CALD1: variants seen among roughly 807,000 people sequenced by gnomAD.
CALD1 encodes the protein caldesmon.
In CALD1, 33 loss-of-function variants were observed where a neutral mutation model predicts 99.9. The ratio of observed to expected loss-of-function variants is 0.33; its 90% CI spans 0.25 to 0.44. The LOEUF is 0.44. Among genes scored for constraint, CALD1 ranks in the 20% least tolerant of loss-of-function variants. The pLI is 1.00. For missense variants in CALD1, 861 were observed against 962.1 expected (o/e 0.89, Z 1.39); for synonymous variants, 310 against 325.0 (o/e 0.95, Z 0.50).
At chr7:134,958,578 G>GT (rs1807962809) in intron 11 of CALD1, among the ~76,000 whole-genome samples, 1 of 151,694 alleles carries the variant, frequency 6.6e-6, no homozygotes, top group African/African-American at 2.4e-5. Flanking sequence ...GCTAATTTTT[G>GT]TATTTTTAGT....
intron 1 of CALD1, among the ~76,000 whole-genome samples, chr7:134,773,780 T>TTG (rs1491345944): frequency 9.6e-5 from 13 of 134,766 alleles, no homozygotes; most frequent in Non-Finnish European, 1.6e-4. Flanking sequence ...CCAACCTCTC[T>TTG]TCTGTGTGTG....
chr7:134,934,000 C>T lies in CALD1; in HGVS notation c.1231C>T (p.Gln411Ter). Residue 411 changes from glutamine (Q) to a stop codon, truncating the protein, a stop_gained, in exon 5 of 15, where the codon CAG becomes TAG. Transcript: ENST00000361675. LOFTEE classifies it high-confidence loss of function. ...ETKIKGEKVE[Q>*]KIEGKWVNEK... ...AAAGATAAAAGGGGAAAAGGTAGAA[C>T]AGAAAATAGAAGGGAAATGGGTAAA... is the stretch of plus-strand genomic sequence containing the variant. The T allele has an allele frequency of 6.2e-7, 1 of 1,613,994 alleles. No homozygotes were observed. Among genetic ancestry groups the T allele is most frequent in the Non-Finnish European group, 8.5e-7 (1 of 1,179,968 alleles).
At chr7:134,846,863 G>A (rs1799872872) in intron 2 of CALD1, among the ~76,000 whole-genome samples, 1 of 152,158 alleles carries the variant, frequency 6.6e-6, no homozygotes, top group Non-Finnish European at 1.5e-5. Context: ...TTTTCTCGAA[G>A]GTACCCAAAA....
chr7:134,900,907 G>A (rs1003383533), intron 3 of CALD1, among the ~76,000 whole-genome samples: 5 of 151,896 alleles, frequency 3.3e-5, no homozygotes, highest in African/African-American at 9.7e-5. Context: ...TGAAATCAGC[G>A]GAATTCAACT....
At chr7:134,715,791 G>C in the CALD1 span, among the ~76,000 whole-genome samples, 1 of 152,180 alleles carries the variant, frequency 6.6e-6, no homozygotes, top group Non-Finnish European at 1.5e-5. Flanking sequence ...AAGGCCATGT[G>C]TGGAAAATTT....
rs1797176232 is a variant in CALD1 at position 134,783,223 on chromosome 7, C to T, written c.-130+3474C>T. On this transcript the variant is annotated intron_variant, in intron 1 of 14. Transcript: ENST00000361675. The surrounding 1 kb of genome is among the most constrained non-coding windows in gnomAD (Gnocchi z 4.3). The stretch of plus-strand genomic sequence containing the variant: ...GCTCCACGGAGCTCGCCTCTCACCT[C>T]TTTGCTTCTGTCTTTAGTGCTCCCA... Among the ~76,000 whole-genome samples the T allele has an allele frequency of 6.6e-6, 1 of 152,182 alleles. No individual in the cohort carries two copies. Among genetic ancestry groups the T allele is most frequent in the African/African-American group, 2.4e-5 (1 of 41,450 alleles).
intron 3 of CALD1, among the ~76,000 whole-genome samples, chr7:134,924,245 G>A (rs998144411): frequency 2.0e-5 from 3 of 151,974 alleles, no homozygotes; most frequent in Non-Finnish European, 2.9e-5. Flanking sequence ...TTCAAATCTG[G>A]GTTTGCATGA....
intron 1 of CALD1, among the ~76,000 whole-genome samples, chr7:134,761,240 C>G (rs1261871222): frequency 6.6e-6 from 1 of 152,158 alleles, no homozygotes; most frequent in East Asian, 1.9e-4. Flanking sequence ...ACCCCCTGCT[C>G]CAACCCAGTT....
At chr7:134,764,146 C>T (rs1796805853) in intron 1 of CALD1, among the ~76,000 whole-genome samples, 1 of 152,020 alleles carries the variant, frequency 6.6e-6, no homozygotes, top group African/African-American at 2.4e-5. Context: ...ATCATTAGCT[C>T]CCCTTTCCAG....
intron 2 of CALD1, among the ~76,000 whole-genome samples, chr7:134,861,146 A>G (rs2132279821): frequency 6.6e-6 from 1 of 152,326 alleles, no homozygotes; most frequent in Non-Finnish European, 1.5e-5. Context: ...GTATACAGCC[A>G]TAGTATTATT....
At chr7:134,886,300 C>T (rs1801847812) in intron 3 of CALD1, among the ~76,000 whole-genome samples, 1 of 152,082 alleles carries the variant, frequency 6.6e-6, no homozygotes, top group Admixed American at 6.6e-5. Context: ...AGAGGTAAGG[C>T]CTGGAACTGG....
intron 2 of CALD1, among the ~76,000 whole-genome samples, chr7:134,865,007 A>AC (rs1289893566): frequency 6.6e-6 from 1 of 152,080 alleles, no homozygotes; most frequent in African/African-American, 2.4e-5. Context: ...TATTTGTGAC[A>AC]CCCAGAGCCT....
chr7:134,968,057 G>T (rs1808805696), intron 14 of CALD1, among the ~76,000 whole-genome samples: 1 of 152,096 alleles, frequency 6.6e-6, no homozygotes, highest in African/African-American at 2.4e-5. Context: ...TGAGATGGGA[G>T]AATCACTTGA....
chr7:134,854,062 T>C (rs1053839303), intron 2 of CALD1, among the ~76,000 whole-genome samples: 6 of 152,218 alleles, frequency 3.9e-5, no homozygotes, highest in African/African-American at 4.8e-5. Flanking sequence ...TATGGTTGCA[T>C]AGTATTCCAT....
chr7:134,770,322 A>G (rs1274571501), intron 1 of CALD1, among the ~76,000 whole-genome samples: 1 of 152,164 alleles, frequency 6.6e-6, no homozygotes, highest in Non-Finnish European at 1.5e-5. Context: ...CTGTGCTGCT[A>G]TTACAAATTA....
chr7:134,917,239 G>C (rs1174494406), intron 3 of CALD1, among the ~76,000 whole-genome samples: 1 of 152,118 alleles, frequency 6.6e-6, no homozygotes, highest in Non-Finnish European at 1.5e-5. Context: ...AAGCAAAATT[G>C]TCCTTTAATA....
intron 2 of CALD1, among the ~76,000 whole-genome samples, chr7:134,865,237 G>C (rs1343307855): frequency 6.6e-6 from 1 of 151,932 alleles, no homozygotes; most frequent in South Asian, 2.1e-4. Context: ...TGCTAGAGAA[G>C]GGCTGAAAAG....
chr7:134,878,957 AGAGG>A (rs1801473496), intron 3 of CALD1, among the ~76,000 whole-genome samples: 1 of 152,128 alleles, frequency 6.6e-6, no homozygotes. Flanking sequence ...CCTGGACAAC[AGAGG>A]GAGACCTTGT....
chr7:134,777,243 C>A (rs1338413663), upstream of CALD1, among the ~76,000 whole-genome samples: 3 of 151,924 alleles, frequency 2.0e-5, no homozygotes, highest in Non-Finnish European at 4.4e-5. Flanking sequence ...ATGGTACACA[C>A]TACATGAAAT....
Sources: allele counts gnomAD v4.1 joint callset (sites outside exome capture counted in the v4.1 genomes callset), GRCh38; gene constraint gnomAD v4.1.1; non-coding constraint Gnocchi (gnomAD v3.1); transcripts MANE v1.5; gene names NCBI Gene and HGNC (gene_info 2026-07-23, HGNC 2026-07-21).